FNDC3A: variants seen among roughly 807,000 people sequenced by gnomAD.
The protein encoded by FNDC3A is fibronectin type-III domain-containing protein 3A.
A neutral mutation model predicts 148.9 loss-of-function variants in FNDC3A; 32 were observed. The observed-to-expected ratio is 0.21, with a 90% CI of 0.16 to 0.29. FNDC3A has a LOEUF of 0.29. FNDC3A is among the 10% of genes least tolerant of loss of function. FNDC3A has a pLI of 1.00. For missense variants in FNDC3A, 1,191 were observed against 1,452.8 expected, an observed-to-expected ratio of 0.82 and a Z score of 2.93; for synonymous variants, 472 against 473.6, an observed-to-expected ratio of 1.00 and a Z score of 0.04.
intron 1 of FNDC3A, among the ~76,000 whole-genome samples, chr13:48,986,738 A>G (rs1951812967): frequency 1.3e-5 from 2 of 152,060 alleles, no homozygotes; most frequent in South Asian, 4.1e-4. Context: ...GATGAGTATG[A>G]TTAGAGGCAA....
intron 25 of FNDC3A, among the ~76,000 whole-genome samples, chr13:49,204,324 C>T (rs1886550799): frequency 6.6e-6 from 1 of 152,098 alleles, no homozygotes; most frequent in African/African-American, 2.4e-5. Context: ...CCTGATTTTC[C>T]CTTTTTCCTG....
intron 2 of FNDC3A, among the ~76,000 whole-genome samples, chr13:49,011,891 G>T (rs190216565): frequency 1.1e-4 from 16 of 152,142 alleles, no homozygotes; most frequent in Non-Finnish European, 2.4e-4. Flanking sequence ...ATACTTTCGC[G>T]TTGAACATTT....
intron 10 of FNDC3A, among the ~76,000 whole-genome samples, chr13:49,170,199 T>G (rs80308312): frequency 6.6e-6 from 1 of 152,054 alleles, no homozygotes; most frequent in Non-Finnish European, 1.5e-5. Flanking sequence ...GAAAAAGATA[T>G]CATTGTCACT....
intron 1 of FNDC3A, among the ~76,000 whole-genome samples, chr13:48,980,190 C>T (rs1287893873): frequency 1.7e-4 from 26 of 152,096 alleles, no homozygotes; most frequent in Non-Finnish European, 1.5e-5. Context: ...TTGAGTCAGG[C>T]CTTACTACAG....
chr13:49,102,154 T>A (rs1030514698), intron 3 of FNDC3A, among the ~76,000 whole-genome samples: 8 of 152,080 alleles, frequency 5.3e-5, no homozygotes, highest in African/African-American at 1.9e-4. Flanking sequence ...TTGATTTTTT[T>A]AAGCTTACTC....
intron 8 of FNDC3A, chr13:49,146,250 CA>C: frequency 4.7e-6 from 1 of 213,372 alleles, no homozygotes. Flanking sequence ...AACCCATGAC[CA>C]AAAATGGACA....
intron 8 of FNDC3A, among the ~76,000 whole-genome samples, chr13:49,159,468 T>C (rs1883947569): frequency 6.6e-6 from 1 of 152,256 alleles, no homozygotes; most frequent in South Asian, 2.1e-4. Context: ...ACATTGATGT[T>C]GTATCCTGAG....
chr13:49,046,473 TA>T, intron 2 of FNDC3A: 2 of 162,952 alleles, frequency 1.2e-5, no homozygotes, highest in Middle Eastern at 5.9e-4. Context: ...ATAAAATAGA[TA>T]TACCCTGTTT....
intron 3 of FNDC3A, among the ~76,000 whole-genome samples, chr13:49,081,286 T>C (rs1180715853): frequency 6.6e-6 from 1 of 152,208 alleles, no homozygotes; most frequent in Non-Finnish European, 1.5e-5. Flanking sequence ...GAGAAAATTA[T>C]GAAAAGCAAA....
chr13:49,037,044 G>C lies in FNDC3A; in HGVS notation c.99+30755G>C, dbSNP rs539906498. Among the ~76,000 whole-genome samples, 14 of 152,308 alleles carry C rather than the reference G, an allele frequency of 9.2e-5. 1 individual carries two copies. In the South Asian group the frequency reaches 2.7e-3, roughly 29 times the overall value. ...AAATATGAAAAGTAAAGAGTATGCAGATCCTGGACCAGTTGAGGAGAAATC... is the reference window on the plus strand; with the variant it reads ...AAATATGAAAAGTAAAGAGTATGCACATCCTGGACCAGTTGAGGAGAAATC... On this transcript the variant is annotated intron_variant, in intron 2 of 25. Transcript: ENST00000492622.
intron 2 of FNDC3A, among the ~76,000 whole-genome samples, chr13:49,049,922 G>C (rs1875712033): frequency 6.6e-6 from 1 of 152,090 alleles, no homozygotes; most frequent in Non-Finnish European, 1.5e-5. Flanking sequence ...GTTTCACCAT[G>C]TTGGCCAGGC....
chr13:49,079,981 G>C (rs1267929743), intron 3 of FNDC3A, among the ~76,000 whole-genome samples: 2 of 152,078 alleles, frequency 1.3e-5, no homozygotes, highest in Admixed American at 1.3e-4. Context: ...TGCTTTTATA[G>C]AGTTGAGTTC....
intron 14 of FNDC3A, among the ~76,000 whole-genome samples, chr13:49,185,076 G>T (rs1885497592): frequency 6.6e-6 from 1 of 152,014 alleles, no homozygotes; most frequent in South Asian, 2.1e-4. Flanking sequence ...TTTACTGTGG[G>T]GAGAGAAAAA....
At chr13:49,065,778 T>C (rs1032436040) in intron 2 of FNDC3A, among the ~76,000 whole-genome samples, 16 of 152,210 alleles carry the variant, frequency 1.1e-4, no homozygotes, top group African/African-American at 3.9e-4. Context: ...TCATTTACAT[T>C]GTGTATTTCC....
At chr13:49,178,768 T>G (rs1324779172) in intron 14 of FNDC3A, 114 bp downstream of exon 14, 3 of 599,680 alleles carry the variant, frequency 5.0e-6, no homozygotes, top group Non-Finnish European at 5.6e-6. Context: ...GGGCTCTTAC[T>G]CTGTCACCCA....
rs1196058823 is a variant in FNDC3A at position 49,198,221 on chromosome 13, T to C, written c.2730T>C (p.Val910=). The C allele has an allele frequency of 6.2e-7, 1 of 1,614,004 alleles. No individual in the cohort carries two copies. Among genetic ancestry groups the C allele is most frequent in the Non-Finnish European group, 8.5e-7 (1 of 1,180,014 alleles). ...AACAATCCCTAACAGTGGGAAAGGTTACAAGCTATATTATCAACAATTTGC... is the reference window on the plus strand; with the variant it reads ...AACAATCCCTAACAGTGGGAAAGGTCACAAGCTATATTATCAACAATTTGC... ...GDKQSLTVGK[V]TSYIINNLQP... is the part of the protein sequence containing the mutation. The change falls in exon 22 of 26, where the codon GTT becomes GTC. Residue 910 remains valine, a synonymous_variant. Coordinates refer to ENST00000492622, the MANE Select transcript of FNDC3A (RefSeq NM_001079673.2).
At position 49,116,726 on chromosome 13, in the gene FNDC3A, C is replaced by T. The variant is rs571525186; in HGVS notation, c.252+1995C>T. On this transcript the variant is annotated intron_variant, in intron 4 of 25. Coordinates refer to ENST00000492622, the MANE Select transcript of FNDC3A (RefSeq NM_001079673.2). ...GCTTGAACCTGGGAGGCGGAGGTTGCAGTGAGCCGAGATCGCACCATTGCA... is the reference window on the plus strand; with the variant it reads ...GCTTGAACCTGGGAGGCGGAGGTTGTAGTGAGCCGAGATCGCACCATTGCA... 2.1e-3 allele frequency among the ~76,000 whole-genome samples: 309 copies of T among 149,638 alleles called. 2 individuals are homozygous for T. The highest frequency in any genetic ancestry group is 9.2e-3 in the South Asian group (44 of 4,768).
intron 14 of FNDC3A, 25 bp downstream of exon 14, chr13:49,178,679 AT>A: frequency 7.7e-7 from 1 of 1,295,940 alleles, no homozygotes; most frequent in Middle Eastern, 1.9e-4. Flanking sequence ...CCCTTAAACG[AT>A]TTGTTCCTTG....
At chr13:49,197,477 T>C (rs1886210208) in intron 20 of FNDC3A, among the ~76,000 whole-genome samples, 1 of 152,224 alleles carries the variant, frequency 6.6e-6, no homozygotes, top group Admixed American at 6.5e-5. Context: ...CTTAAAACAC[T>C]CTTTCTAAAG....
Sources: gnomAD v4.1 joint callset for allele counts (sites outside exome capture counted in the v4.1 genomes callset) on GRCh38, gnomAD v4.1.1 for gene constraint, MANE v1.5 for transcripts, NCBI Gene and HGNC (gene_info 2026-07-23, HGNC 2026-07-21) for gene names.